FAM234A: variants seen among roughly 807,000 people sequenced by gnomAD.
FAM234A encodes the protein protein FAM234A.
In FAM234A, 42 loss-of-function variants were observed where a neutral mutation model predicts 49.1. That is an observed-to-expected ratio of 0.86 (90% CI 0.67 to 1.11). The LOEUF is 1.11. FAM234A is among the 50% of genes least tolerant of loss of function. FAM234A has a pLI of 0.00. For synonymous variants in FAM234A, 369 were observed against 316.2 expected, an observed-to-expected ratio of 1.17 and a Z score of -1.77; for missense variants, 815 against 745.2, an observed-to-expected ratio of 1.09 and a Z score of -1.09.
At chr16:268,801 G>A (rs970665674), downstream of FAM234A, 3 of 1,550,234 alleles carry the variant, frequency 1.9e-6, no homozygotes, top group Non-Finnish European at 2.6e-6. Flanking sequence ...CAGCGGAGAG[G>A]CTCTTGGACG....
intron 1 of FAM234A, among the ~76,000 whole-genome samples, chr16:243,711 A>G (rs2050696510): frequency 6.6e-6 from 1 of 152,210 alleles, no homozygotes; most frequent in South Asian, 2.1e-4. Context: ...ATTCCTGACC[A>G]GCTTTTTAAT....
downstream of FAM234A, chr16:266,131 G>A (rs565867736): frequency 9.4e-6 from 9 of 961,850 alleles, no homozygotes; most frequent in East Asian, 1.2e-4. Flanking sequence ...GCGTGTGTGC[G>A]TCTGCCTGTC....
chr16:269,206 G>T, downstream of FAM234A: 2 of 1,241,864 alleles, frequency 1.6e-6, no homozygotes, highest in South Asian at 1.3e-5. Context: ...AGACGGGGGT[G>T]GCTGCTGCAT....
In FAM234A at chr16:264,123, A is replaced by G; in HGVS notation, c.1296A>G (p.Ser432=). 1 of 1,610,514 alleles carries G rather than the reference A, an allele frequency of 6.2e-7. No homozygotes were observed. The highest frequency in any genetic ancestry group is 2.2e-5 in the East Asian group (1 of 44,864). ...GCCTGCCGACCGCAGACCACCGCTC[A>G]GCCTTCTTCTTCTGGGGCCTCCACG... ...SASLPTADHR[S]AFFFWGLHEL... is the part of the protein sequence containing the mutation. The change falls in exon 11 of 13, where the codon TCA becomes TCG. Residue 432 remains serine (S), a synonymous_variant. Transcript: ENST00000399932.
chr16:240,417 G>T (rs1437335270), intron 1 of FAM234A: 1 of 152,078 alleles, frequency 6.6e-6, no homozygotes, highest in African/African-American at 2.4e-5. Flanking sequence ...AAAATACTGA[G>T]TTCTCTGGGG....
chr16:243,951 C>T (rs1287311017), intron 1 of FAM234A, among the ~76,000 whole-genome samples: 1 of 151,964 alleles, frequency 6.6e-6, no homozygotes, highest in Admixed American at 6.6e-5. Context: ...CCGTTTTTTC[C>T]CCACAGTGGA....
intron 1 of FAM234A, among the ~76,000 whole-genome samples, chr16:243,973 T>C (rs2050704144): frequency 8.3e-6 from 1 of 119,794 alleles, no homozygotes; most frequent in African/African-American, 2.9e-5. Context: ...AGGAAAATGA[T>C]TTTTTTTTTT....
At chr16:261,689 C>G (rs918363029) in intron 6 of FAM234A, among the ~76,000 whole-genome samples, 175 bp downstream of exon 6, 8 of 152,222 alleles carry the variant, frequency 5.3e-5, no homozygotes, top group Admixed American at 4.6e-4. Context: ...TCAGGGGGCT[C>G]CATCTCTACC....
At chr16:268,734 C>T (rs75157109), downstream of FAM234A, 6,126 of 1,537,510 alleles carry the variant, frequency 4.0e-3, 259 homozygotes, top group East Asian at 0.1. Context: ...GCAGTGACCT[C>T]GAGGCAGCCT....
intron 5 of FAM234A, 127 bp from the exon 6 acceptor site, chr16:261,257 G>T (rs966864289): frequency 2.8e-6 from 3 of 1,075,206 alleles, no homozygotes; most frequent in Non-Finnish European, 2.7e-6. Context: ...CTCTGAGTGT[G>T]CAGTGAGCCG....
chr16:263,148 C>A, intron 8 of FAM234A, 114 bp from the exon 9 acceptor site: 1 of 1,270,454 alleles, frequency 7.9e-7, no homozygotes, highest in Non-Finnish European at 1.1e-6. Flanking sequence ...AACTGAGAAA[C>A]GGGTTATGGG....
At chr16:258,218 G>A (rs1039718161) in intron 3 of FAM234A, among the ~76,000 whole-genome samples, 6 of 151,440 alleles carry the variant, frequency 4.0e-5, no homozygotes, top group African/African-American at 1.5e-4. Flanking sequence ...ATTTGGCAGG[G>A]TCATACGACA....
rs762278614 is a variant in FAM234A at position 264,657 on chromosome 16, C to G, written c.1388C>G (p.Thr463Ser). The change falls in exon 12 of 13, where the codon ACC becomes AGC. Residue 463 changes from threonine (T) to serine (S), a missense_variant. Physicochemically the swap from Thr to Ser is moderately conservative, Grantham distance 58 (BLOSUM62 1). Coordinates refer to ENST00000399932, the MANE Select transcript of FAM234A (RefSeq NM_032039.4). ...ARHSLYMFHPTLPRVLLELAN... is the reference protein window; with the variant it reads ...ARHSLYMFHPSLPRVLLELAN... ...CACAGCCTGTACATGTTCCACCCCACCCTGCCGCGCGTGCTGCTGGAGCTG... is the reference window on the plus strand; with the variant it reads ...CACAGCCTGTACATGTTCCACCCCAGCCTGCCGCGCGTGCTGCTGGAGCTG... 2 of 1,612,014 alleles carry G rather than the reference C, an allele frequency of 1.2e-6. No homozygotes were observed. The highest frequency in any genetic ancestry group is 2.2e-5 in the East Asian group (1 of 44,882).
At chr16:250,211 G>T (rs148057385) in intron 2 of FAM234A, among the ~76,000 whole-genome samples, 1 of 152,206 alleles carries the variant, frequency 6.6e-6, no homozygotes, top group South Asian at 2.1e-4. Context: ...GACTACAGGC[G>T]TGAGCCACCG....
intron 3 of FAM234A, among the ~76,000 whole-genome samples, chr16:257,807 C>G (rs1210065399): frequency 4.6e-5 from 7 of 152,014 alleles, no homozygotes; most frequent in Admixed American, 4.6e-4. Flanking sequence ...GCAACGTAGC[C>G]AGACCCTGTC....
intron 1 of FAM234A, among the ~76,000 whole-genome samples, chr16:236,471 A>G (rs1483402699): frequency 1.3e-5 from 2 of 151,498 alleles, no homozygotes; most frequent in African/African-American, 4.8e-5. Context: ...AAAAATATAA[A>G]AATTAGCTGG....
downstream of FAM234A, chr16:268,244 C>T (rs3743876): frequency 0.11 from 23,158 of 210,772 alleles, 1,704 homozygotes; most frequent in East Asian, 0.29. Context: ...ATGCCTCATA[C>T]GCACACACAC....
chr16:264,575 A>G (rs1567227855), intron 11 of FAM234A, 39 bp from the exon 12 acceptor site: 1 of 1,360,026 alleles, frequency 7.4e-7, no homozygotes, highest in Non-Finnish European at 1.0e-6. Context: ...GGGAGTGCTC[A>G]GTGAAGGGCG....
intron 1 of FAM234A, among the ~76,000 whole-genome samples, chr16:245,498 C>G (rs1270060539): frequency 6.6e-6 from 1 of 152,182 alleles, no homozygotes; most frequent in South Asian, 2.1e-4. Flanking sequence ...TGTTTCCCCA[C>G]TGGGGTCCTT....
Sources: allele counts gnomAD v4.1 joint callset (sites outside exome capture counted in the v4.1 genomes callset), GRCh38; gene constraint gnomAD v4.1.1; transcripts MANE v1.5; gene names NCBI Gene and HGNC (gene_info 2026-07-23, HGNC 2026-07-21).